The following DACH2 variants were observed in gnomAD, a reference collection of about 807,000 sequenced individuals.
DACH2 encodes the protein dachshund homolog 2.
DACH2 carries 17 observed loss-of-function variants against 35.8 expected under a neutral mutation model. The observed-to-expected ratio is 0.48, with a 90% CI of 0.33 to 0.71. DACH2 has a LOEUF of 0.71. DACH2 is among the 30% of genes least tolerant of loss of function. The pLI, the probability that DACH2 is intolerant of heterozygous loss-of-function variation, is 0.02. For missense variants in DACH2, 469 were observed against 472.7 expected, an observed-to-expected ratio of 0.99 and a Z score of 0.07; for synonymous variants, 195 against 177.3, an observed-to-expected ratio of 1.10 and a Z score of -0.79.
At chrX:86,546,964 C>T (rs1246618890) in intron 3 of DACH2, among the ~76,000 whole-genome samples, 10 of 111,368 alleles carry the variant, frequency 9.0e-5, no homozygotes, top group African/African-American at 2.3e-4. Flanking sequence ...CACTACAAGA[C>T]TTGACCCTGT....
intron 1 of DACH2, among the ~76,000 whole-genome samples, chrX:86,177,594 G>A (rs1352567860): frequency 9.0e-6 from 1 of 111,351 alleles, no homozygotes; most frequent in Non-Finnish European, 1.9e-5. Flanking sequence ...TCTCTGGTGG[G>A]GCTTGTCCAG....
chrX:86,221,505 C>T lies in DACH2; in HGVS notation c.488+72397C>T, dbSNP rs1325513236. Among the ~76,000 whole-genome samples, 15 of 111,797 alleles carry T rather than the reference C, an allele frequency of 1.3e-4. 1 individual carries two copies. Among genetic ancestry groups the T allele is most frequent in the Non-Finnish European group, 3.8e-5 (2 of 53,144 alleles). On this transcript the variant is annotated intron_variant, in intron 1 of 11. Coordinates refer to ENST00000373125, the MANE Select transcript of DACH2 (RefSeq NM_053281.3). The stretch of plus-strand genomic sequence containing the variant: ...AAATCAGGAAATGTGAGGCCATCAG[C>T]TTTGTTCTTTTTTTTGTCAAGACTG...
At chrX:86,166,237 C>A (rs1453421211) in intron 1 of DACH2, among the ~76,000 whole-genome samples, 1 of 110,997 alleles carries the variant, frequency 9.0e-6, no homozygotes. Context: ...TTCCTTATAG[C>A]TCTATAGTAT....
chrX:86,696,125 T>G (rs1243102472), intron 5 of DACH2, among the ~76,000 whole-genome samples: 1 of 111,697 alleles, frequency 9.0e-6, no homozygotes, highest in Non-Finnish European at 1.9e-5. Context: ...TATATTACTT[T>G]TGTATATATC....
intron 6 of DACH2, 68 bp downstream of exon 6, chrX:86,714,788 A>G (rs1445603533): frequency 5.3e-6 from 5 of 934,840 alleles, no homozygotes; most frequent in Middle Eastern, 2.9e-4. Flanking sequence ...AATATTTACA[A>G]TCCCACTGGA....
intron 1 of DACH2, among the ~76,000 whole-genome samples, chrX:86,222,086 AC>A (rs1318499346): frequency 8.9e-6 from 1 of 112,282 alleles, no homozygotes; most frequent in Non-Finnish European, 1.9e-5. Context: ...AAATACTTTC[AC>A]ATTGGGGGTT....
intron 1 of DACH2, among the ~76,000 whole-genome samples, chrX:86,173,262 T>C (rs1016152801): frequency 1.8e-5 from 2 of 112,128 alleles, no homozygotes; most frequent in African/African-American, 3.2e-5. Context: ...ACCTCTTCCG[T>C]TGAAAAAGAG....
At chrX:86,736,076 C>T (rs1304964469) in intron 6 of DACH2, among the ~76,000 whole-genome samples, 1 of 111,146 alleles carries the variant, frequency 9.0e-6, no homozygotes, top group Non-Finnish European at 1.9e-5. Context: ...AAAAATTGAT[C>T]TGTTTACTTG....
At chrX:86,542,993 A>G (rs750853441) in intron 3 of DACH2, among the ~76,000 whole-genome samples, 85 of 112,290 alleles carry the variant, frequency 7.6e-4, no homozygotes, top group African/African-American at 2.6e-3. Flanking sequence ...GGCCTTCTCT[A>G]AGGAAAGGAC....
At chrX:86,323,919 T>C (rs1335710612) in intron 1 of DACH2, among the ~76,000 whole-genome samples, 1 of 111,720 alleles carries the variant, frequency 9.0e-6, no homozygotes, top group East Asian at 2.8e-4. Flanking sequence ...AAAATAGTTC[T>C]TTGAGAGAAT....
intron 1 of DACH2, among the ~76,000 whole-genome samples, chrX:86,199,705 A>G (rs934018760): frequency 1.8e-5 from 2 of 111,849 alleles, no homozygotes; most frequent in Non-Finnish European, 3.8e-5. Context: ...GCTATTGTAA[A>G]CAATAGTAAA....
At chrX:86,513,011 T>C in intron 2 of DACH2, 3 of 303,900 alleles carry the variant, frequency 9.9e-6, no homozygotes, top group South Asian at 9.2e-5. Flanking sequence ...AATATTGATG[T>C]ACAGTGGAAG....
chrX:86,594,734 A>G (rs890727408), intron 3 of DACH2, among the ~76,000 whole-genome samples: 10 of 111,669 alleles, frequency 9.0e-5, no homozygotes, highest in African/African-American at 3.3e-4. Flanking sequence ...TAAGTTTATA[A>G]AGAATGTGTA....
intron 7 of DACH2, among the ~76,000 whole-genome samples, chrX:86,790,200 T>C (rs929633281): frequency 9.0e-6 from 1 of 111,604 alleles, no homozygotes; most frequent in African/African-American, 3.3e-5. Context: ...AGATAATTGA[T>C]TTGGTTTCTT....
At chrX:86,209,549 A>T (rs1048809536) in intron 1 of DACH2, among the ~76,000 whole-genome samples, 1 of 111,781 alleles carries the variant, frequency 8.9e-6, no homozygotes, top group African/African-American at 3.2e-5. Context: ...AGGCTGATTT[A>T]TCTTGCTCAG....
intron 2 of DACH2, among the ~76,000 whole-genome samples, chrX:86,478,009 C>A (rs2037875299): frequency 9.0e-6 from 1 of 111,209 alleles, no homozygotes; most frequent in South Asian, 3.7e-4. Context: ...TAACTCTATC[C>A]CTCTGATTTT....
At chrX:86,335,441 G>A (rs1052809770) in intron 1 of DACH2, among the ~76,000 whole-genome samples, 29 of 111,277 alleles carry the variant, frequency 2.6e-4, no homozygotes, top group African/African-American at 9.5e-4. Flanking sequence ...GCAGTGGTTT[G>A]TAGTTCTCCT....
intron 3 of DACH2, among the ~76,000 whole-genome samples, chrX:86,595,493 T>G (rs1307460932): frequency 9.0e-6 from 1 of 111,202 alleles, no homozygotes. Context: ...ATTTCTGTCT[T>G]TAAGTTTAAA....
intron 7 of DACH2, among the ~76,000 whole-genome samples, chrX:86,761,245 C>G (rs891845098): frequency 9.1e-6 from 1 of 110,426 alleles, no homozygotes; most frequent in Non-Finnish European, 1.9e-5. Context: ...CTCCCTGTGT[C>G]CATGTGTTCT....
Sources: allele counts gnomAD v4.1 joint callset (sites outside exome capture counted in the v4.1 genomes callset), GRCh38; gene constraint gnomAD v4.1.1; transcripts MANE v1.5; gene names NCBI Gene and HGNC (gene_info 2026-07-23, HGNC 2026-07-21).